Variants in TTC27 observed in about 807,000 individuals in gnomAD.
TTC27 encodes tetratricopeptide repeat protein 27.
TTC27 carries 79 observed loss-of-function variants against 115.9 expected under a neutral mutation model. The observed-to-expected ratio is 0.68, with a 90% CI of 0.57 to 0.82. The LOEUF (loss-of-function observed/expected upper bound fraction) is 0.82, where lower values mean the gene tolerates loss of function less well. Ranked by LOEUF, TTC27 falls within the 40% of genes least tolerant of loss-of-function variation. The pLI, the probability that TTC27 is intolerant of heterozygous loss-of-function variation, is 0.00. For missense variants in TTC27, 1,054 were observed against 993.1 expected, an observed-to-expected ratio of 1.06 and a Z score of -0.82; for synonymous variants, 401 against 356.0, an observed-to-expected ratio of 1.13 and a Z score of -1.42.
Position 32,664,296 on chromosome 2 carries a change from C to T in TTC27, c.641-7C>T. On this transcript the variant is annotated splice_polypyrimidine_tract_variant and splice_region_variant and intron_variant, in intron 5 of 19. Transcript: ENST00000317907. ...TAACTTTTAATGTTTTATCTTTTGT[C>T]TTGCAGTGATGAAACTACAGAATCT... 6.3e-7 allele frequency: 1 copy of T among 1,586,714 alleles called. No individual in the cohort carries two copies. The highest frequency in any genetic ancestry group is 1.2e-5 in the South Asian group (1 of 86,226).
intron 5 of TTC27, among the ~76,000 whole-genome samples, chr2:32,658,304 G>T (rs1665412133): frequency 6.6e-6 from 1 of 152,032 alleles, no homozygotes; most frequent in Admixed American, 6.6e-5. Flanking sequence ...TTGTGGAGAT[G>T]TGGTCTTGCT....
At chr2:32,691,304 A>AC (rs1666800234) in intron 9 of TTC27, among the ~76,000 whole-genome samples, 4 of 140,824 alleles carry the variant, frequency 2.8e-5, no homozygotes, top group Non-Finnish European at 6.3e-5. Flanking sequence ...ATGAATATTT[A>AC]CTTTTTTTTT....
At chr2:32,690,463 G>C (rs1300326142) in intron 9 of TTC27, among the ~76,000 whole-genome samples, 2 of 152,124 alleles carry the variant, frequency 1.3e-5, no homozygotes, top group African/African-American at 4.8e-5. Context: ...ACTACAAATG[G>C]ATAGCACAGA....
intron 10 of TTC27, among the ~76,000 whole-genome samples, chr2:32,713,168 C>G (rs1044746537): frequency 6.6e-6 from 1 of 152,078 alleles, no homozygotes; most frequent in Non-Finnish European, 1.5e-5. Flanking sequence ...TAGACTTCCC[C>G]GTCTCCAGAA....
intron 8 of TTC27, among the ~76,000 whole-genome samples, chr2:32,674,029 A>G (rs1015893522): frequency 1.3e-5 from 2 of 152,204 alleles, no homozygotes; most frequent in African/African-American, 4.8e-5. Context: ...CTAAATGAAT[A>G]TCCCATTTGT....
At chr2:32,775,017 G>A (rs1389377338) in intron 13 of TTC27, among the ~76,000 whole-genome samples, 2 of 152,164 alleles carry the variant, frequency 1.3e-5, no homozygotes, top group South Asian at 2.1e-4. Context: ...TGGTTTTAAA[G>A]ACATTGGTTA....
rs191451032 is a variant in TTC27 at position 32,737,466 on chromosome 2, C to T, written c.1452+650C>T. Among the ~76,000 whole-genome samples, 1,324 of 152,162 alleles carry T rather than the reference C, an allele frequency of 8.7e-3. 7 individuals carry two copies. The highest frequency in any genetic ancestry group is 0.013 in the Admixed American group (202 of 15,288). ...AAATTTAAAAGACTTAAGTTGAGTA[C>T]ATAAGCAAGCAGAGTAAAGCCCACA... On this transcript the variant is annotated intron_variant, in intron 12 of 19. Transcript: ENST00000317907.
At chr2:32,786,420 T>C (rs1427628617) in intron 15 of TTC27, among the ~76,000 whole-genome samples, 1 of 152,226 alleles carries the variant, frequency 6.6e-6, no homozygotes, top group Non-Finnish European at 1.5e-5. Context: ...GGATTATAGA[T>C]GTGAGCCACC....
At chr2:32,715,486 CAGTTTG>C (rs1667723237) in intron 10 of TTC27, among the ~76,000 whole-genome samples, 1 of 151,984 alleles carries the variant, frequency 6.6e-6, no homozygotes, top group African/African-American at 2.4e-5. Flanking sequence ...CCTTGTGGTA[CAGTTTG>C]AAGTATGATA....
intron 10 of TTC27, among the ~76,000 whole-genome samples, chr2:32,709,023 A>G (rs1366303745): frequency 6.6e-6 from 1 of 152,216 alleles, no homozygotes; most frequent in Admixed American, 6.5e-5. Context: ...CCCAAACCCC[A>G]CATTGTTCAA....
At position 32,794,475 on chromosome 2, in the gene TTC27, T is replaced by C. The variant is rs1433558747; in HGVS notation, c.1998+7326T>C. Among the ~76,000 whole-genome samples, 3 of 152,132 alleles carry C rather than the reference T, an allele frequency of 2.0e-5. No homozygotes were observed. In the East Asian group the frequency reaches 5.8e-4, roughly 29 times the overall value. ...TTGCTAAGGAAGAAATTTATAACTC[T>C]AAATGCTTACTTTAAAACACAAGAA... On this transcript the variant is annotated intron_variant, in intron 16 of 19. Transcript: ENST00000317907.
At chr2:32,638,907 A>T (rs1443395186) in intron 3 of TTC27, among the ~76,000 whole-genome samples, 39 of 151,826 alleles carry the variant, frequency 2.6e-4, no homozygotes, top group Admixed American at 2.6e-3. Context: ...ATCTGGGCTC[A>T]CTGCAAGCTC....
intron 9 of TTC27, among the ~76,000 whole-genome samples, chr2:32,700,729 T>C (rs759702489): frequency 6.6e-6 from 1 of 152,092 alleles, no homozygotes; most frequent in African/African-American, 2.4e-5. Flanking sequence ...TATTAAAGAC[T>C]GGGTTTCATC....
At chr2:32,690,266 CA>C (rs1160667940) in intron 9 of TTC27, among the ~76,000 whole-genome samples, 3 of 152,196 alleles carry the variant, frequency 2.0e-5, no homozygotes, top group African/African-American at 7.2e-5. Flanking sequence ...TGAAAATTTG[CA>C]TAGCAGAGAA....
At chr2:32,650,720 A>G (rs1484589676) in intron 5 of TTC27, among the ~76,000 whole-genome samples, 1 of 152,190 alleles carries the variant, frequency 6.6e-6, no homozygotes, top group Non-Finnish European at 1.5e-5. Context: ...GTTGATAGAA[A>G]ATAAGTTTCA....
chr2:32,717,138 TA>T (rs1667780259), intron 10 of TTC27, among the ~76,000 whole-genome samples: 1 of 151,830 alleles, frequency 6.6e-6, no homozygotes, highest in Admixed American at 6.6e-5. Context: ...CACGCCCAAC[TA>T]ATTTGTAATA....
intron 16 of TTC27, among the ~76,000 whole-genome samples, chr2:32,800,412 AC>A (rs936766053): frequency 3.9e-5 from 6 of 151,928 alleles, no homozygotes; most frequent in Non-Finnish European, 7.4e-5. Context: ...CAAACTCCTG[AC>A]CCCATGATCT....
intron 9 of TTC27, among the ~76,000 whole-genome samples, chr2:32,702,032 C>CA (rs1194581174): frequency 2.1e-5 from 3 of 142,886 alleles, no homozygotes; most frequent in Admixed American, 6.9e-5. Context: ...AAAACAAAAA[C>CA]AAAAAAAACC....
intron 10 of TTC27, among the ~76,000 whole-genome samples, chr2:32,712,938 G>A (rs1667632799): frequency 6.6e-6 from 1 of 152,092 alleles, no homozygotes; most frequent in Admixed American, 6.6e-5. Flanking sequence ...TTGATGTGGT[G>A]GAAACTTAAT....
Sources: allele counts gnomAD v4.1 joint callset (sites outside exome capture counted in the v4.1 genomes callset), GRCh38; gene constraint gnomAD v4.1.1; transcripts MANE v1.5; gene names NCBI Gene and HGNC (gene_info 2026-07-23, HGNC 2026-07-21).